STX8: variants seen among roughly 807,000 people sequenced by gnomAD.
STX8 encodes the protein syntaxin 8.
A neutral mutation model predicts 37.5 loss-of-function variants in STX8; 23 were observed. The ratio of observed to expected loss-of-function variants is 0.61; its 90% confidence interval spans 0.44 to 0.87. The LOEUF is 0.87. STX8 is among the 40% of genes least tolerant of loss of function. STX8 has a pLI of 0.00. For missense variants in STX8, 313 were observed against 284.7 expected (o/e 1.10, Z -0.71); for synonymous variants, 115 against 99.1 (o/e 1.16, Z -0.95).
At chr17:9,529,680 CATG>C (rs1188219534) in intron 4 of STX8, among the ~76,000 whole-genome samples, 1 of 152,204 alleles carries the variant, frequency 6.6e-6, no homozygotes, top group Non-Finnish European at 1.5e-5. Flanking sequence ...TTCTGTCTGA[CATG>C]ATGTCTGAGA....
At chr17:9,363,351 C>T (rs1009454313) in intron 7 of STX8, among the ~76,000 whole-genome samples, 4 of 152,020 alleles carry the variant, frequency 2.6e-5, no homozygotes, top group Non-Finnish European at 4.4e-5. Flanking sequence ...AAAGAAAAAT[C>T]TATATATAAA....
intron 4 of STX8, among the ~76,000 whole-genome samples, chr17:9,531,163 C>T (rs1023840221): frequency 6.6e-6 from 1 of 152,246 alleles, no homozygotes; most frequent in African/African-American, 2.4e-5. Context: ...CTTGTGCTAA[C>T]ACCACACTAC....
chr17:9,446,012 AT>A, intron 6 of STX8, among the ~76,000 whole-genome samples: 1 of 151,520 alleles, frequency 6.6e-6, no homozygotes, highest in South Asian at 2.1e-4. Flanking sequence ...ATTTTTTTGT[AT>A]TTTTAGTAGA....
rs4063994 is a variant in STX8, at chr17:9,343,018, CAA to C, written c.643+35532_643+35533del. Reference sequence around the variant, plus strand: ...CCTGGTGACAAGAGTGAAACTGTCTCAAAAAAAAAAAAAAAAAAAAAAAAAGC... The same window carrying C: ...CCTGGTGACAAGAGTGAAACTGTCTCAAAAAAAAAAAAAAAAAAAAAAAGC... On this transcript the variant is annotated intron_variant, in intron 7 of 7. Coordinates refer to ENST00000306357, the MANE Select transcript of STX8 (RefSeq NM_004853.3). 4.6e-3 allele frequency among the ~76,000 whole-genome samples: 509 copies of C among 110,350 alleles called. 1 individual carries two copies. The highest frequency in any genetic ancestry group is 6.9e-3 in the Non-Finnish European group (367 of 53,104). The allele number at this position is 110,350 out of a possible 152,430, so 72.4% of individuals were successfully genotyped here.
At chr17:9,338,260 G>A (rs759893493) in intron 7 of STX8, among the ~76,000 whole-genome samples, 6 of 151,950 alleles carry the variant, frequency 3.9e-5, no homozygotes, top group Non-Finnish European at 7.4e-5. Flanking sequence ...CACCATGTTA[G>A]CCAGGCTGGT....
At chr17:9,344,803 G>T (rs1910480080) in intron 7 of STX8, among the ~76,000 whole-genome samples, 1 of 152,102 alleles carries the variant, frequency 6.6e-6, no homozygotes, top group African/African-American at 2.4e-5. Context: ...GACTCTAAAA[G>T]GTGAATAACA....
At chr17:9,442,180 T>C (rs1904687830) in intron 6 of STX8, among the ~76,000 whole-genome samples, 1 of 152,230 alleles carries the variant, frequency 6.6e-6, no homozygotes, top group South Asian at 2.1e-4. Flanking sequence ...CATTGTCATC[T>C]ATGCAGCTGC....
At chr17:9,445,940 C>T (rs560774115) in intron 6 of STX8, among the ~76,000 whole-genome samples, 1 of 151,168 alleles carries the variant, frequency 6.6e-6, no homozygotes, top group African/African-American at 2.4e-5. Context: ...CGGGTTCACG[C>T]CATTCCCGAC....
intron 7 of STX8, among the ~76,000 whole-genome samples, chr17:9,259,987 G>A (rs958420487): frequency 2.0e-5 from 3 of 152,138 alleles, no homozygotes; most frequent in African/African-American, 7.2e-5. Context: ...GGAGGTCACG[G>A]CGGGTGGATT....
At chr17:9,306,407 G>A (rs1161212211) in intron 7 of STX8, among the ~76,000 whole-genome samples, 1 of 151,560 alleles carries the variant, frequency 6.6e-6, no homozygotes, top group African/African-American at 2.4e-5. Context: ...ATTCCTCAGC[G>A]TAGATGTTGT....
chr17:9,472,998 G>A (rs932519882), intron 6 of STX8, among the ~76,000 whole-genome samples: 1 of 152,026 alleles, frequency 6.6e-6, no homozygotes, highest in Non-Finnish European at 1.5e-5. Flanking sequence ...AAAGCTAGCA[G>A]CAAAGTCATA....
intron 7 of STX8, among the ~76,000 whole-genome samples, chr17:9,315,289 AC>A (rs1260250654): frequency 9.5e-5 from 14 of 147,218 alleles, no homozygotes; most frequent in African/African-American, 3.0e-4. Flanking sequence ...AAAAACAAAA[AC>A]AACAAAAAAA....
chr17:9,289,747 T>A (rs1045477992), intron 7 of STX8, among the ~76,000 whole-genome samples: 3 of 151,342 alleles, frequency 2.0e-5, no homozygotes, highest in African/African-American at 7.3e-5. Flanking sequence ...GCCACTGCAG[T>A]CCAGCCTGGG....
At chr17:9,471,258 TCTC>T (rs777163422) in intron 6 of STX8, among the ~76,000 whole-genome samples, 1 of 148,610 alleles carries the variant, frequency 6.7e-6, no homozygotes, top group Non-Finnish European at 1.5e-5. Context: ...TTCAAGCAAT[TCTC>T]CTGCCTCAGC....
chr17:9,340,241 C>T (rs1343287436), intron 7 of STX8, among the ~76,000 whole-genome samples: 2 of 152,244 alleles, frequency 1.3e-5, no homozygotes. Context: ...AGGTGACCTT[C>T]TCTCATTTAT....
At chr17:9,403,035 G>A (rs1419486512) in intron 6 of STX8, among the ~76,000 whole-genome samples, 2 of 152,144 alleles carry the variant, frequency 1.3e-5, no homozygotes, top group East Asian at 3.9e-4. Flanking sequence ...ATCATATAGA[G>A]GACTGACATC....
intron 6 of STX8, among the ~76,000 whole-genome samples, chr17:9,418,920 TTC>T (rs1253777640): frequency 2.8e-5 from 4 of 143,488 alleles, no homozygotes; most frequent in Non-Finnish European, 3.1e-5. Flanking sequence ...CTCTTTTTTT[TTC>T]TTTTTTTTTT....
intron 6 of STX8, among the ~76,000 whole-genome samples, chr17:9,416,566 G>A (rs543240876): frequency 8.6e-5 from 13 of 151,584 alleles, no homozygotes; most frequent in African/African-American, 2.7e-4. Flanking sequence ...ACGGGATTTC[G>A]CCATCTTGGC....
intron 4 of STX8, among the ~76,000 whole-genome samples, chr17:9,539,429 G>C (rs1051124620): frequency 1.3e-5 from 2 of 152,234 alleles, no homozygotes; most frequent in African/African-American, 4.8e-5. Context: ...AACAGATCTT[G>C]TGGCATTGCT....
Sources: allele counts gnomAD v4.1 joint callset (sites outside exome capture counted in the v4.1 genomes callset), GRCh38; gene constraint gnomAD v4.1.1; transcripts MANE v1.5; gene names NCBI Gene and HGNC (gene_info 2026-07-23, HGNC 2026-07-21).